Variants in KLF8 observed in about 807,000 individuals in gnomAD.
KLF8 encodes the protein Krueppel-like factor 8.
Under a neutral mutation model 18.2 loss-of-function variants are expected in KLF8, and 10 were observed. The observed-to-expected ratio is 0.55, with a 90% confidence interval of 0.34 to 0.93. The LOEUF (loss-of-function observed/expected upper bound fraction) is 0.93. Among genes scored for constraint, KLF8 ranks in the 40% least tolerant of loss-of-function variants. KLF8 has a pLI of 0.02. For synonymous variants in KLF8, 109 were observed against 97.3 expected (o/e 1.12, Z -0.71); for missense variants, 264 against 277.9 (o/e 0.95, Z 0.36).
At chrX:56,123,743 C>A in the KLF8 span, among the ~76,000 whole-genome samples, 1 of 111,876 alleles carries the variant, frequency 8.9e-6, no homozygotes, top group Non-Finnish European at 1.9e-5. Flanking sequence ...CAAATAGATG[C>A]TGAACTAAAG....
the KLF8 span, among the ~76,000 whole-genome samples, chrX:56,120,098 G>A: frequency 9.0e-6 from 1 of 110,973 alleles, no homozygotes; most frequent in Non-Finnish European, 1.9e-5. Flanking sequence ...TATGCTTGCA[G>A]TGCAAATAGA....
the KLF8 span, among the ~76,000 whole-genome samples, chrX:56,018,835 GGAA>G: frequency 2.7e-5 from 3 of 110,569 alleles, no homozygotes; most frequent in Non-Finnish European, 5.7e-5. Flanking sequence ...GAGATTGACA[GGAA>G]GAAGGAGAGG....
upstream of KLF8, among the ~76,000 whole-genome samples, chrX:56,231,560 C>A (rs1278062207): frequency 9.0e-6 from 1 of 111,613 alleles, no homozygotes; most frequent in Non-Finnish European, 1.9e-5. Flanking sequence ...TCTTGTCTCT[C>A]TTCTTTTTCC....
the KLF8 span, among the ~76,000 whole-genome samples, chrX:56,170,588 A>T: frequency 9.1e-6 from 1 of 109,724 alleles, no homozygotes; most frequent in Non-Finnish European, 1.9e-5. Context: ...GGTCAAGCAG[A>T]AGAAATAATT....
the KLF8 span, among the ~76,000 whole-genome samples, chrX:55,912,030 G>A: frequency 8.9e-6 from 1 of 111,751 alleles, no homozygotes; most frequent in South Asian, 3.7e-4. Context: ...AGCTCCCTAG[G>A]TAATTCTAAT....
chrX:56,206,516 T>C, the KLF8 span, among the ~76,000 whole-genome samples: 1 of 112,047 alleles, frequency 8.9e-6, no homozygotes. Flanking sequence ...CAAAATCCAA[T>C]GGGGCAGTCA....
the KLF8 span, among the ~76,000 whole-genome samples, chrX:55,912,964 G>T: frequency 5.0e-4 from 56 of 112,119 alleles, no homozygotes; most frequent in African/African-American, 1.8e-3. Context: ...GCAGAGCTGA[G>T]ATTTGAACCC....
chrX:56,187,337 T>C, the KLF8 span, among the ~76,000 whole-genome samples: 1 of 111,621 alleles, frequency 9.0e-6, no homozygotes, highest in Non-Finnish European at 1.9e-5. Flanking sequence ...AAGTTGAATC[T>C]CTGCATAGAC....
chrX:56,005,497 TG>T, the KLF8 span, among the ~76,000 whole-genome samples: 6 of 111,711 alleles, frequency 5.4e-5, no homozygotes, highest in African/African-American at 2.0e-4. Flanking sequence ...GGTCTCCATG[TG>T]CATGATTGCA....
At chrX:55,936,881 C>A in the KLF8 span, among the ~76,000 whole-genome samples, 42 of 112,059 alleles carry the variant, frequency 3.7e-4, no homozygotes, top group Non-Finnish European at 2.8e-4. Context: ...AGCCGGGAAA[C>A]TCGAACTGGG....
chrX:56,181,749 T>C, the KLF8 span, among the ~76,000 whole-genome samples: 1 of 110,288 alleles, frequency 9.1e-6, no homozygotes, highest in East Asian at 2.8e-4. Context: ...TATGAAATTC[T>C]GGGTTGAAAA....
the KLF8 span, among the ~76,000 whole-genome samples, chrX:56,008,135 T>C: frequency 1.5e-4 from 16 of 107,730 alleles, no homozygotes; most frequent in Non-Finnish European, 2.5e-4. Flanking sequence ...TATATATATA[T>C]ATACACACAC....
chrX:56,141,780 T>C, the KLF8 span, among the ~76,000 whole-genome samples: 1 of 111,721 alleles, frequency 9.0e-6, no homozygotes, highest in Non-Finnish European at 1.9e-5. Flanking sequence ...CCTTAATAAA[T>C]AATATATGGT....
chrX:55,998,890 G>C, the KLF8 span, among the ~76,000 whole-genome samples: 3 of 107,271 alleles, frequency 2.8e-5, no homozygotes, highest in Non-Finnish European at 5.7e-5. Context: ...ATTGCTTTTG[G>C]GGATTTAGCC....
At chrX:56,036,792 A>C in the KLF8 span, among the ~76,000 whole-genome samples, 1 of 111,692 alleles carries the variant, frequency 9.0e-6, no homozygotes, top group South Asian at 3.7e-4. Context: ...AACAATAATA[A>C]ATTTTCTGAT....
At chrX:56,232,118 C>T (rs2066407325), upstream of KLF8, among the ~76,000 whole-genome samples, 1 of 111,722 alleles carries the variant, frequency 9.0e-6, no homozygotes, top group Non-Finnish European at 1.9e-5. Flanking sequence ...ACCCGTTTCA[C>T]CACCCTCCCC....
At chrX:56,208,955 CT>C in the KLF8 span, among the ~76,000 whole-genome samples, 1 of 111,989 alleles carries the variant, frequency 8.9e-6, no homozygotes, top group Non-Finnish European at 1.9e-5. Flanking sequence ...ATAAAATATT[CT>C]GTAAATATCT....
intron 5 of KLF8, among the ~76,000 whole-genome samples, chrX:56,273,528 A>G (rs1329417346): frequency 9.3e-6 from 1 of 107,368 alleles, no homozygotes; most frequent in Admixed American, 1.0e-4. Context: ...ACCTCTATCT[A>G]TGTAAGTTCA....
chrX:56,029,013 C>T, the KLF8 span, among the ~76,000 whole-genome samples: 2 of 110,685 alleles, frequency 1.8e-5, no homozygotes, highest in Non-Finnish European at 3.8e-5. Context: ...CAAAAGCTTT[C>T]AAGTGTCTAA....
Sources: allele counts gnomAD v4.1 joint callset (sites outside exome capture counted in the v4.1 genomes callset), GRCh38; gene constraint gnomAD v4.1.1; transcripts MANE v1.5; gene names NCBI Gene and HGNC (gene_info 2026-07-23, HGNC 2026-07-21).